Variants in DIAPH2 observed in about 807,000 individuals in gnomAD.
DIAPH2 encodes diaphanous related formin 2.
A neutral mutation model predicts 92.7 loss-of-function variants in DIAPH2; 35 were observed. The observed-to-expected ratio is 0.38, with a 90% CI of 0.29 to 0.50. The LOEUF is 0.50. DIAPH2 is among the 20% of genes least tolerant of loss of function. The pLI, the probability that DIAPH2 is intolerant of heterozygous loss-of-function variation, is 0.94. For missense variants in DIAPH2, 701 were observed against 819.5 expected (o/e 0.86, Z 1.77); for synonymous variants, 301 against 280.4 (o/e 1.07, Z -0.73).
At chrX:97,430,222 A>C (rs1485717761) in intron 26 of DIAPH2, among the ~76,000 whole-genome samples, 1 of 111,707 alleles carries the variant, frequency 9.0e-6, no homozygotes, top group Non-Finnish European at 1.9e-5. Context: ...AGGAACAGAT[A>C]CTCCAAGATC....
intron 4 of DIAPH2, among the ~76,000 whole-genome samples, chrX:96,812,501 A>G (rs2064692426): frequency 1.8e-5 from 2 of 110,478 alleles, no homozygotes; most frequent in African/African-American, 6.6e-5. Context: ...TTTGAAGGGT[A>G]TTTTGTGTCT....
At chrX:97,238,806 A>G (rs73548653) in intron 22 of DIAPH2, among the ~76,000 whole-genome samples, 3,652 of 111,626 alleles carry the variant, frequency 0.033, 155 homozygotes, top group African/African-American at 0.11. Context: ...AACAGTGTCT[A>G]TTGTTCAGGA....
chrX:97,192,293 CAAAAAAA>C (rs773665704), intron 22 of DIAPH2, among the ~76,000 whole-genome samples: 5 of 32,410 alleles, frequency 1.5e-4, no homozygotes, highest in Admixed American at 3.8e-4. Flanking sequence ...GACTCCGTCT[CAAAAAAA>C]AAAAAAAAAA....
At chrX:97,437,005 C>T (rs147335833) in intron 26 of DIAPH2, among the ~76,000 whole-genome samples, 1,240 of 111,238 alleles carry the variant, frequency 0.011, 15 homozygotes, top group African/African-American at 0.039. Context: ...TTAAATGACA[C>T]CCTCCCCCGC....
chrX:97,219,181 C>T (rs2067905876), intron 22 of DIAPH2, among the ~76,000 whole-genome samples: 1 of 112,397 alleles, frequency 8.9e-6, no homozygotes, highest in African/African-American at 3.2e-5. Flanking sequence ...TAGCACATTC[C>T]TCTGAAAGCA....
At chrX:97,417,820 T>G (rs1216151027) in intron 25 of DIAPH2, among the ~76,000 whole-genome samples, 1 of 110,991 alleles carries the variant, frequency 9.0e-6, no homozygotes, top group Admixed American at 9.6e-5. Flanking sequence ...GCCTGGACCC[T>G]GTATACAATG....
chrX:96,753,964 A>G (rs2064209079), intron 3 of DIAPH2, among the ~76,000 whole-genome samples: 1 of 112,354 alleles, frequency 8.9e-6, no homozygotes, highest in Admixed American at 9.4e-5. Context: ...TACACCTCCT[A>G]TGCATGCATT....
intron 26 of DIAPH2, among the ~76,000 whole-genome samples, chrX:97,591,364 C>T (rs939312270): frequency 8.9e-6 from 1 of 111,807 alleles, no homozygotes; most frequent in Admixed American, 9.5e-5. Flanking sequence ...TCCTTTCTAC[C>T]CTCATAATGT....
intron 5 of DIAPH2, among the ~76,000 whole-genome samples, chrX:96,885,743 G>T (rs957202778): frequency 1.8e-5 from 2 of 111,320 alleles, no homozygotes; most frequent in African/African-American, 6.5e-5. Context: ...TTAAAATGTG[G>T]TGAAGTTCAA....
At chrX:97,250,759 C>T (rs1451863703) in intron 23 of DIAPH2, among the ~76,000 whole-genome samples, 1 of 111,697 alleles carries the variant, frequency 9.0e-6, no homozygotes, top group Non-Finnish European at 1.9e-5. Flanking sequence ...CCTGCCTTTA[C>T]TTAGCACTTC....
intron 9 of DIAPH2, among the ~76,000 whole-genome samples, chrX:96,925,182 T>A (rs1433304753): frequency 9.0e-6 from 1 of 110,536 alleles, no homozygotes; most frequent in African/African-American, 3.3e-5. Flanking sequence ...ACAGACCCCA[T>A]ATGTTCAGCT....
intron 16 of DIAPH2, among the ~76,000 whole-genome samples, chrX:96,960,038 A>G (rs1339443848): frequency 1.8e-5 from 2 of 111,269 alleles, no homozygotes; most frequent in Non-Finnish European, 3.8e-5. Context: ...TATATTTTGA[A>G]GTCAATGTCC....
rs776833313 is a variant in DIAPH2, at chrX:97,466,314, G to A, written c.3241+36569G>A. ...CTAAAGTAACTACCTTGAAGAGCACGGATCTTACCAACATATGTAGGTTGT... is the reference window on the plus strand; with the variant it reads ...CTAAAGTAACTACCTTGAAGAGCACAGATCTTACCAACATATGTAGGTTGT... On this transcript the variant is annotated intron_variant, in intron 26 of 26. Coordinates refer to ENST00000324765, the MANE Select transcript of DIAPH2 (RefSeq NM_006729.5). Among the ~76,000 whole-genome samples, 12 of 111,535 alleles carry A rather than the reference G, an allele frequency of 1.1e-4. No homozygotes were observed. The South Asian group carries it at 1.1e-3, about 10-fold the overall frequency.
intron 26 of DIAPH2, among the ~76,000 whole-genome samples, chrX:97,583,890 A>AT (rs1433188967): frequency 1.8e-5 from 2 of 112,312 alleles, no homozygotes; most frequent in African/African-American, 6.5e-5. Flanking sequence ...CCATTTTTTA[A>AT]GCCCTTCGGA....
intron 4 of DIAPH2, among the ~76,000 whole-genome samples, chrX:96,830,265 A>AT (rs1569407467): frequency 1.8e-5 from 2 of 111,426 alleles, no homozygotes; most frequent in South Asian, 3.7e-4. Context: ...ATATACAAAG[A>AT]TTTTTTACAA....
intron 22 of DIAPH2, among the ~76,000 whole-genome samples, chrX:97,234,936 T>G (rs1205275276): frequency 8.9e-6 from 1 of 112,354 alleles, no homozygotes; most frequent in Non-Finnish European, 1.9e-5. Flanking sequence ...TTCACTTTCC[T>G]TTCCCTTGTT....
intron 4 of DIAPH2, among the ~76,000 whole-genome samples, chrX:96,874,762 A>G (rs1429373612): frequency 8.9e-6 from 1 of 111,806 alleles, no homozygotes; most frequent in African/African-American, 3.2e-5. Context: ...TAAAATCTAA[A>G]ATTTTTTGAA....
chrX:97,305,824 C>CAAAAAAAAAAAAAAAAAAAAAA (rs754094514), intron 23 of DIAPH2, among the ~76,000 whole-genome samples: 2 of 49,223 alleles, frequency 4.1e-5, no homozygotes, highest in African/African-American at 1.5e-4. Flanking sequence ...ACTCCTTCTC[C>CAAAAAAAAAAAAAAAAAAAAAA]AAAAAAAAAA....
At chrX:97,342,864 T>C (rs1005874130) in intron 23 of DIAPH2, among the ~76,000 whole-genome samples, 1 of 111,909 alleles carries the variant, frequency 8.9e-6, no homozygotes, top group Admixed American at 9.5e-5. Flanking sequence ...GGAAGTGGCA[T>C]TTGAGCTGCG....
Sources: allele counts gnomAD v4.1 joint callset (sites outside exome capture counted in the v4.1 genomes callset), GRCh38; gene constraint gnomAD v4.1.1; transcripts MANE v1.5; gene names NCBI Gene and HGNC (gene_info 2026-07-23, HGNC 2026-07-21).